Variants in ROBO1 observed in about 807,000 individuals in gnomAD.
The protein encoded by ROBO1 is roundabout guidance receptor 1.
ROBO1 carries 149 observed loss-of-function variants against 195.9 expected under a neutral mutation model. The observed-to-expected ratio is 0.76, with a 90% CI of 0.67 to 0.87. The LOEUF (loss-of-function observed/expected upper bound fraction) is 0.87. Among genes scored for constraint, ROBO1 ranks in the 40% least tolerant of loss-of-function variants. The probability of loss-of-function intolerance (pLI) is 0.00; values close to 1 mark genes in which losing one functional copy is unlikely to be tolerated. For missense variants in ROBO1, 1,933 were observed against 2,068.3 expected (o/e 0.93, Z 1.27); for synonymous variants, 816 against 733.2 (o/e 1.11, Z -1.82).
intron 1 of ROBO1, among the ~76,000 whole-genome samples, chr3:79,669,531 T>C (rs1274123668): frequency 6.6e-6 from 1 of 151,954 alleles, no homozygotes; most frequent in Non-Finnish European, 1.5e-5. Flanking sequence ...AGTAACATGC[T>C]GCACAGGTTT....
At chr3:79,209,849 T>A (rs992788320) in intron 2 of ROBO1, among the ~76,000 whole-genome samples, 1 of 152,076 alleles carries the variant, frequency 6.6e-6, no homozygotes, top group Non-Finnish European at 1.5e-5. Context: ...AGTTTCAGGA[T>A]ACAAAATCAA....
chr3:79,211,479 T>C (rs1287843404), intron 2 of ROBO1, among the ~76,000 whole-genome samples: 1 of 152,138 alleles, frequency 6.6e-6, no homozygotes. Context: ...ATGACCCAGC[T>C]CTCACCCCCA....
intron 2 of ROBO1, among the ~76,000 whole-genome samples, chr3:79,361,960 C>T (rs949819961): frequency 1.2e-4 from 18 of 151,918 alleles, no homozygotes; most frequent in African/African-American, 4.3e-4. Flanking sequence ...AGCTTAGTGC[C>T]ATCTAGTGGC....
intron 2 of ROBO1, among the ~76,000 whole-genome samples, chr3:79,493,139 T>C (rs940122247): frequency 5.9e-5 from 9 of 152,026 alleles, no homozygotes; most frequent in Non-Finnish European, 1.2e-4. Context: ...AGATAAAATA[T>C]AGCTATTATA....
intron 3 of ROBO1, 110 bp from the exon 4 acceptor site, chr3:78,939,037 C>G (rs924420051): frequency 1.1e-5 from 10 of 896,120 alleles, no homozygotes; most frequent in African/African-American, 3.4e-5. Context: ...TAACATTGGC[C>G]TAGCCTTCCT....
At position 78,635,763 on chromosome 3, in the gene ROBO1, G is replaced by C. The variant is rs777644894; in HGVS notation, c.3373+10C>G. 1.6e-5 allele frequency: 26 copies of C among 1,610,156 alleles called. No homozygotes were observed. The South Asian group carries it at 2.1e-4, about 13-fold the overall frequency. ...CAGAAACAGATGGGAATACATGCAA[G>C]CCTCTTCACCTTTGTTCAGCTTGTT... On this transcript the variant is annotated intron_variant, in intron 23 of 30. Coordinates refer to ENST00000464233, the MANE Select transcript of ROBO1 (RefSeq NM_002941.4).
chr3:79,031,682 A>T (rs897900311), intron 3 of ROBO1, among the ~76,000 whole-genome samples: 2 of 152,160 alleles, frequency 1.3e-5, no homozygotes, highest in African/African-American at 4.8e-5. Flanking sequence ...AATACACATA[A>T]AGCGCTTGTA....
At chr3:79,202,811 C>A (rs1292358950) in intron 2 of ROBO1, among the ~76,000 whole-genome samples, 1 of 151,948 alleles carries the variant, frequency 6.6e-6, no homozygotes, top group Non-Finnish European at 1.5e-5. Context: ...GTTCCTTAAG[C>A]CTTAATTTTG....
Position 78,860,326 on chromosome 3 carries a change from A to ATATTTTT in ROBO1, c.499+78274_499+78275insAAAAATA, listed in dbSNP as rs376853384. On this transcript the variant is annotated intron_variant, in intron 4 of 30. Coordinates refer to ENST00000464233, the MANE Select transcript of ROBO1 (RefSeq NM_002941.4). ...ACTATATATATATATATATATATAT[A>ATATTTTT]TTTTTTTTTTTTTACTCATAAGGTG... Among the ~76,000 whole-genome samples, 345 of 93,514 alleles carry ATATTTTT rather than the reference A, an allele frequency of 3.7e-3. 2 individuals carry two copies. Among genetic ancestry groups the ATATTTTT allele is most frequent in the Admixed American group, 4.9e-3 (40 of 8,196 alleles). 61.3% of individuals were successfully genotyped at this position (93,514 alleles called of 152,430 possible). A position where few individuals can be genotyped will look rare whatever the true frequency, so the allele number is the denominator to read the frequency against.
intron 1 of ROBO1, among the ~76,000 whole-genome samples, chr3:79,670,515 T>C (rs906388874): frequency 5.3e-5 from 8 of 151,826 alleles, no homozygotes; most frequent in African/African-American, 1.4e-4. Flanking sequence ...AACTTTACCT[T>C]TAACACACTA....
chr3:78,933,602 T>C (rs113686344), intron 4 of ROBO1, among the ~76,000 whole-genome samples: 69 of 152,094 alleles, frequency 4.5e-4, no homozygotes, highest in African/African-American at 1.6e-3. Context: ...TTTTTGGTCA[T>C]TAAAGATGAT....
At chr3:78,620,806 A>C (rs1159742814) in intron 26 of ROBO1, among the ~76,000 whole-genome samples, 1 of 151,820 alleles carries the variant, frequency 6.6e-6, no homozygotes, top group East Asian at 1.9e-4. Flanking sequence ...TCAAATGCAG[A>C]ATTTAAAACC....
chr3:79,191,882 G>A (rs550799331), intron 2 of ROBO1, among the ~76,000 whole-genome samples: 1 of 151,436 alleles, frequency 6.6e-6, no homozygotes, highest in East Asian at 1.9e-4. Context: ...TGTAATCTGG[G>A]ACAAGGACTT....
chr3:79,285,705 G>A (rs551350778), intron 2 of ROBO1, among the ~76,000 whole-genome samples: 1 of 152,252 alleles, frequency 6.6e-6, no homozygotes, highest in Non-Finnish European at 1.5e-5. Context: ...GTAATATTTT[G>A]CAAAGACCAT....
intron 17 of ROBO1, 109 bp from the exon 18 acceptor site, chr3:78,657,378 A>G (rs772997463): frequency 2.8e-6 from 3 of 1,055,582 alleles, no homozygotes; most frequent in Non-Finnish European, 4.1e-6. Context: ...ACTGTCATGC[A>G]CTACCATAAG....
At chr3:79,073,287 A>G (rs1203958739) in intron 3 of ROBO1, among the ~76,000 whole-genome samples, 1 of 152,012 alleles carries the variant, frequency 6.6e-6, no homozygotes, top group Admixed American at 6.6e-5. Flanking sequence ...ATTAGAAAAG[A>G]TATACATTAC....
chr3:79,088,245 T>G lies in ROBO1; in HGVS notation c.172+37211A>C, dbSNP rs571101338. 9.9e-5 allele frequency among the ~76,000 whole-genome samples: 15 copies of G among 152,260 alleles called. No individual in the cohort carries two copies. The South Asian group carries it at 3.1e-3, about 32-fold the overall frequency. On this transcript the variant is annotated intron_variant, in intron 3 of 30. Coordinates refer to ENST00000464233, the MANE Select transcript of ROBO1 (RefSeq NM_002941.4). ...TCTAAATTGATTTAGAATTATTCAT[T>G]ATAAACATCCACTATCTTGTTAAAC...
intron 1 of ROBO1, among the ~76,000 whole-genome samples, chr3:79,748,230 G>T (rs1163163778): frequency 6.6e-6 from 1 of 152,164 alleles, no homozygotes; most frequent in African/African-American, 2.4e-5. Context: ...ACCTGATAGT[G>T]AGATATGCAC....
intron 4 of ROBO1, among the ~76,000 whole-genome samples, chr3:78,866,797 T>G (rs569451053): frequency 2.2e-4 from 34 of 152,312 alleles, no homozygotes; most frequent in Non-Finnish European, 4.0e-4. Context: ...TGCATTTATC[T>G]CTTGAGAATA....
Sources: gnomAD v4.1 joint callset for allele counts (sites outside exome capture counted in the v4.1 genomes callset) on GRCh38, gnomAD v4.1.1 for gene constraint, MANE v1.5 for transcripts, NCBI Gene and HGNC (gene_info 2026-07-23, HGNC 2026-07-21) for gene names.